PTPRD: variants seen among roughly 807,000 people sequenced by gnomAD.
PTPRD encodes receptor-type tyrosine-protein phosphatase delta.
In PTPRD, 34 loss-of-function variants were observed where a neutral mutation model predicts 214.5. The observed-to-expected ratio is 0.16, with a 90% confidence interval of 0.12 to 0.21. The LOEUF is 0.21. Ranked by LOEUF, PTPRD falls within the 10% of genes least tolerant of loss-of-function variation. The pLI is 1.00. For synonymous variants in PTPRD, 1,128 were observed against 845.7 expected (o/e 1.33, Z -5.79); for missense variants, 2,545 against 2,398.7 (o/e 1.06, Z -1.27).
chr9:9,119,744 G>C (rs941041784), intron 10 of PTPRD, among the ~76,000 whole-genome samples: 1 of 151,840 alleles, frequency 6.6e-6, no homozygotes, highest in African/African-American at 2.4e-5. Flanking sequence ...GGGTGGTCTC[G>C]AACTTCTGAG....
intron 11 of PTPRD, among the ~76,000 whole-genome samples, chr9:8,746,086 G>A (rs2092765807): frequency 6.6e-6 from 1 of 150,990 alleles, no homozygotes; most frequent in Admixed American, 6.6e-5. Context: ...GAGCCACCAT[G>A]CCCAATCGAT....
At chr9:9,727,382 C>T (rs1242983319) in intron 7 of PTPRD, among the ~76,000 whole-genome samples, 1 of 152,058 alleles carries the variant, frequency 6.6e-6, no homozygotes, top group African/African-American at 2.4e-5. Context: ...CCTAGGATGT[C>T]AAGGGTGCAA....
intron 7 of PTPRD, among the ~76,000 whole-genome samples, chr9:9,595,436 G>A (rs768853994): frequency 1.4e-5 from 2 of 146,732 alleles, no homozygotes; most frequent in Non-Finnish European, 3.0e-5. Flanking sequence ...ATATACACAC[G>A]TGTACACATG....
intron 8 of PTPRD, among the ~76,000 whole-genome samples, chr9:9,481,777 G>A (rs1345936440): frequency 6.6e-6 from 1 of 152,060 alleles, no homozygotes; most frequent in Non-Finnish European, 1.5e-5. Flanking sequence ...AGAGGGCTAG[G>A]CCAAGAGAAT....
intron 11 of PTPRD, among the ~76,000 whole-genome samples, chr9:8,899,129 G>A (rs2098644328): frequency 2.0e-5 from 3 of 151,984 alleles, no homozygotes; most frequent in Admixed American, 6.6e-5. Flanking sequence ...AACCAGGCAA[G>A]ATAAAAAAAA....
chr9:9,281,400 T>C (rs923746007), intron 9 of PTPRD, among the ~76,000 whole-genome samples: 2 of 151,234 alleles, frequency 1.3e-5, no homozygotes, highest in African/African-American at 4.8e-5. Context: ...AAATTCAACA[T>C]AAGAAACCAA....
intron 3 of PTPRD, among the ~76,000 whole-genome samples, chr9:10,130,423 T>A (rs756441698): frequency 2.6e-5 from 4 of 152,122 alleles, no homozygotes; most frequent in Admixed American, 1.3e-4. Flanking sequence ...ATATTTGCCC[T>A]CTCTTTAGAG....
chr9:9,762,590 C>T (rs558429011), intron 6 of PTPRD, among the ~76,000 whole-genome samples: 8 of 152,298 alleles, frequency 5.3e-5, no homozygotes, highest in Non-Finnish European at 7.3e-5. Context: ...TCATAAGTTC[C>T]ACAAAACACT....
intron 4 of PTPRD, among the ~76,000 whole-genome samples, chr9:9,950,870 C>A (rs2093391315): frequency 6.6e-6 from 1 of 151,050 alleles, no homozygotes. Context: ...GGAGTATGGT[C>A]TCAAATAACA....
intron 3 of PTPRD, among the ~76,000 whole-genome samples, chr9:10,094,611 G>C (rs1335693304): frequency 6.9e-6 from 1 of 144,944 alleles, no homozygotes; most frequent in Non-Finnish European, 1.5e-5. Flanking sequence ...TTCCCATTTC[G>C]GACATTACCC....
intron 7 of PTPRD, among the ~76,000 whole-genome samples, chr9:9,700,516 T>A (rs964689148): frequency 1.3e-5 from 2 of 152,130 alleles, no homozygotes; most frequent in Non-Finnish European, 2.9e-5. Context: ...TAAAACATTA[T>A]ATGTTTGTAG....
At chr9:9,962,696 G>T (rs1012582633) in intron 4 of PTPRD, among the ~76,000 whole-genome samples, 1 of 151,942 alleles carries the variant, frequency 6.6e-6, no homozygotes, top group Non-Finnish European at 1.5e-5. Context: ...TCTAATTGTT[G>T]TATGTATCTA....
intron 8 of PTPRD, among the ~76,000 whole-genome samples, chr9:9,446,612 C>T (rs1262595117): frequency 6.6e-6 from 1 of 152,038 alleles, no homozygotes; most frequent in Non-Finnish European, 1.5e-5. Context: ...ATGTTATTGT[C>T]AATGGTGCCA....
At chr9:9,985,544 G>A (rs2000298) in intron 4 of PTPRD, among the ~76,000 whole-genome samples, 95,788 of 151,808 alleles carry the variant, frequency 0.63, 30,615 homozygotes, top group Middle Eastern at 0.76. Context: ...TACAGATGAT[G>A]GTCAAAATGA....
At chr9:9,989,484 G>A (rs2095839214) in intron 4 of PTPRD, among the ~76,000 whole-genome samples, 1 of 152,128 alleles carries the variant, frequency 6.6e-6, no homozygotes, top group African/African-American at 2.4e-5. Flanking sequence ...GCAGGACTTT[G>A]GAGAAGAGTT....
chr9:10,054,103 T>A (rs1204188717), intron 3 of PTPRD, among the ~76,000 whole-genome samples: 2 of 152,104 alleles, frequency 1.3e-5, no homozygotes, highest in African/African-American at 2.4e-5. Context: ...TATTAAACTT[T>A]CCAAATATAA....
chr9:9,538,716 C>T (rs953941063), intron 8 of PTPRD, among the ~76,000 whole-genome samples: 55 of 151,780 alleles, frequency 3.6e-4, no homozygotes, highest in African/African-American at 1.2e-3. Context: ...GATACATATA[C>T]GTCAATGAAT....
intron 3 of PTPRD, among the ~76,000 whole-genome samples, chr9:10,206,051 T>C (rs2099474309): frequency 6.6e-6 from 1 of 150,456 alleles, no homozygotes; most frequent in Admixed American, 6.6e-5. Context: ...AAAAAAGTAT[T>C]AGAAACTCAG....
intron 12 of PTPRD, among the ~76,000 whole-genome samples, chr9:8,662,723 C>A (rs1489141565): frequency 6.6e-6 from 1 of 152,120 alleles, no homozygotes; most frequent in African/African-American, 2.4e-5. Flanking sequence ...TTATCTGGAC[C>A]CTGTAAGCAT....
Sources: allele counts gnomAD v4.1 joint callset (sites outside exome capture counted in the v4.1 genomes callset), GRCh38; gene constraint gnomAD v4.1.1; transcripts MANE v1.5; gene names NCBI Gene and HGNC (gene_info 2026-07-23, HGNC 2026-07-21).